The following PPM1L variants were observed in gnomAD, a reference collection of about 807,000 sequenced individuals.
PPM1L encodes protein phosphatase, Mg2+/Mn2+ dependent 1L, also known as protein phosphatase 1L.
PPM1L carries 13 observed loss-of-function variants against 31.4 expected under a neutral mutation model. The ratio of observed to expected loss-of-function variants is 0.41; its 90% CI spans 0.27 to 0.66. The LOEUF is 0.66. Ranked by LOEUF, PPM1L falls within the 30% of genes least tolerant of loss-of-function variation. The pLI is 0.29. For missense variants in PPM1L, 326 were observed against 453.7 expected, an observed-to-expected ratio of 0.72 and a Z score of 2.56; for synonymous variants, 184 against 175.4, an observed-to-expected ratio of 1.05 and a Z score of -0.39.
intron 1 of PPM1L, among the ~76,000 whole-genome samples, chr3:160,810,674 C>T (rs1024894990): frequency 1.1e-4 from 17 of 152,310 alleles, no homozygotes; most frequent in African/African-American, 3.4e-4. Flanking sequence ...CTAGCATTTG[C>T]TTACGGATGA....
intron 1 of PPM1L, among the ~76,000 whole-genome samples, chr3:160,954,829 T>A (rs7640874): frequency 0.46 from 69,124 of 149,502 alleles, 16,808 homozygotes; most frequent in East Asian, 0.73. Context: ...TAGGGTCTTC[T>A]TAATCAATTC....
chr3:160,889,172 T>C (rs1056214613), intron 1 of PPM1L, among the ~76,000 whole-genome samples: 22 of 152,126 alleles, frequency 1.4e-4, no homozygotes, highest in East Asian at 3.8e-4. Flanking sequence ...TTGAAGTAGA[T>C]AGAGACATGA....
chr3:160,832,799 G>T (rs1213540461), intron 1 of PPM1L, among the ~76,000 whole-genome samples: 1 of 151,764 alleles, frequency 6.6e-6, no homozygotes, highest in Non-Finnish European at 1.5e-5. Context: ...ACATGTGCAG[G>T]ATATGCAGGT....
At chr3:160,821,966 T>C (rs538880929) in intron 1 of PPM1L, among the ~76,000 whole-genome samples, 2 of 152,050 alleles carry the variant, frequency 1.3e-5, no homozygotes, top group East Asian at 3.9e-4. Context: ...GTCTAAGGAG[T>C]AAAGAGGCAA....
chr3:160,786,906 T>C (rs1353384227), intron 1 of PPM1L, among the ~76,000 whole-genome samples: 1 of 152,192 alleles, frequency 6.6e-6, no homozygotes, highest in Non-Finnish European at 1.5e-5. Context: ...GCTGGATTCA[T>C]GTTGCCGCAA....
In PPM1L at chr3:160,922,422, C is replaced by G. The variant is rs115250221; in HGVS notation, c.400-39314C>G. 4.7e-3 allele frequency among the ~76,000 whole-genome samples: 713 copies of G among 152,286 alleles called. 6 individuals are homozygous for G. The highest frequency in any genetic ancestry group is 0.016 in the African/African-American group (657 of 41,568). ...AGGGATTTCAAAACAGGCATTGAGT[C>G]TTATATGTTCCTCTGTCCCTGGGTC... On this transcript the variant is annotated intron_variant, in intron 1 of 3. Transcript: ENST00000498165.
At chr3:160,920,175 G>A (rs1392418201) in intron 1 of PPM1L, among the ~76,000 whole-genome samples, 1 of 152,152 alleles carries the variant, frequency 6.6e-6, no homozygotes, top group Non-Finnish European at 1.5e-5. Flanking sequence ...GCGGGCTCCA[G>A]AGTGTCAGCC....
intron 1 of PPM1L, among the ~76,000 whole-genome samples, chr3:160,890,433 T>C (rs1713097709): frequency 6.6e-6 from 1 of 152,064 alleles, no homozygotes; most frequent in Non-Finnish European, 1.5e-5. Flanking sequence ...GCTAACGAGA[T>C]GTGAAGGACC....
At chr3:160,812,077 T>C (rs1219199276) in intron 1 of PPM1L, among the ~76,000 whole-genome samples, 1 of 152,184 alleles carries the variant, frequency 6.6e-6, no homozygotes, top group Non-Finnish European at 1.5e-5. Context: ...GGTGCTTTTT[T>C]CTCAGCTCAC....
At chr3:160,947,648 C>T (rs1456606893) in intron 1 of PPM1L, among the ~76,000 whole-genome samples, 1 of 152,154 alleles carries the variant, frequency 6.6e-6, no homozygotes, top group Non-Finnish European at 1.5e-5. Flanking sequence ...CTTCTGCCCA[C>T]TCCCCAAGAA....
chr3:161,068,871 C>G lies in PPM1L; in HGVS notation c.797C>G (p.Ser266Cys). ...RVQGILAMSR[S>C]LGDYPLKNLN... ...CAGGGAATCCTGGCCATGTCTCGGTCCCTGGGGGATTATCCGCTGAAAAAT... is the reference window on the plus strand; with the variant it reads ...CAGGGAATCCTGGCCATGTCTCGGTGCCTGGGGGATTATCCGCTGAAAAAT... The change falls in exon 4 of 4, where the codon TCC becomes TGC. Residue 266 changes from serine (S) to cysteine (C), a missense_variant. Ser to Cys is a moderately radical substitution (Grantham distance 112, BLOSUM62 -1). Around this residue, in one of 3 missense-constraint regions of PPM1L, gnomAD observed 201 missense variants for 298.2 expected, o/e 0.67. Transcript: ENST00000498165. The G allele has an allele frequency of 6.2e-7, 1 of 1,614,082 alleles. No individual in the cohort carries two copies. The highest frequency in any genetic ancestry group is 8.5e-7 in the Non-Finnish European group (1 of 1,180,016).
Position 160,756,698 on chromosome 3 carries a change from CG to C in PPM1L, c.395del (p.Gly132GlufsTer8). 2 of 1,612,840 alleles carry C rather than the reference CG, an allele frequency of 1.2e-6. No homozygotes were observed. Among genetic ancestry groups the C allele is most frequent in the Non-Finnish European group, 1.7e-6 (2 of 1,179,720 alleles). On this transcript the variant is annotated frameshift_variant, in exon 1 of 4. Transcript: ENST00000498165. LOFTEE classifies it high-confidence loss of function. The surrounding 1 kb of genome is among the most constrained non-coding windows in gnomAD (Gnocchi z 6.2). Reference protein sequence around the residue: ...PSIFGIFDGHGGETAAEYVKS... With the variant: ...PSIFGIFDGHXGETAAEYVKS... ...CCATCTTCGGGATCTTCGACGGGCA[CG>C]GGGGAGAGGTAGGAGCTACCCCGGG... is the stretch of plus-strand genomic sequence containing the variant.
At chr3:161,006,570 A>G (rs1717713238) in intron 2 of PPM1L, among the ~76,000 whole-genome samples, 1 of 152,174 alleles carries the variant, frequency 6.6e-6, no homozygotes, top group South Asian at 2.1e-4. Context: ...AGGTGAGGTG[A>G]AAAACTTTTT....
At chr3:160,914,863 A>G (rs547933127) in intron 1 of PPM1L, among the ~76,000 whole-genome samples, 67 of 152,268 alleles carry the variant, frequency 4.4e-4, no homozygotes, top group Non-Finnish European at 7.8e-4. Flanking sequence ...AGGAATTGCC[A>G]CACTGACTTC....
intron 1 of PPM1L, among the ~76,000 whole-genome samples, chr3:160,785,586 A>G (rs1040579584): frequency 1.3e-5 from 2 of 152,120 alleles, no homozygotes; most frequent in African/African-American, 4.8e-5. Context: ...TATCTATGTG[A>G]TTCTAGCTTC....
chr3:160,972,419 A>G (rs1227648516), intron 2 of PPM1L, among the ~76,000 whole-genome samples: 1 of 135,068 alleles, frequency 7.4e-6, no homozygotes, highest in Non-Finnish European at 1.5e-5. Context: ...CTCATTGTTC[A>G]TTTCCCACCT....
At chr3:161,014,475 T>A (rs1361647772) in intron 2 of PPM1L, among the ~76,000 whole-genome samples, 1 of 24,712 alleles carries the variant, frequency 4.0e-5, no homozygotes, top group East Asian at 0.12. Context: ...AAGTCAGGAT[T>A]TTTTTTTTTT....
intron 2 of PPM1L, among the ~76,000 whole-genome samples, chr3:161,011,611 A>G (rs1432809954): frequency 9.9e-5 from 15 of 151,762 alleles, no homozygotes; most frequent in Non-Finnish European, 2.9e-5. Context: ...CTTGGGCAGT[A>G]TGGCCATTTT....
At chr3:160,767,379 G>T (rs989607088) in intron 1 of PPM1L, among the ~76,000 whole-genome samples, 1 of 151,904 alleles carries the variant, frequency 6.6e-6, no homozygotes, top group Non-Finnish European at 1.5e-5. Flanking sequence ...GACTACAGGC[G>T]TGTGCCACCA....
Sources: allele counts gnomAD v4.1 joint callset (sites outside exome capture counted in the v4.1 genomes callset), GRCh38; gene constraint gnomAD v4.1.1; regional missense constraint gnomAD v4.1.1; non-coding constraint Gnocchi (gnomAD v3.1); transcripts MANE v1.5; gene names NCBI Gene and HGNC (gene_info 2026-07-23, HGNC 2026-07-21).